The following PDE4D variants were observed in gnomAD, a reference collection of about 807,000 sequenced individuals.
PDE4D encodes 3',5'-cyclic-AMP phosphodiesterase 4D.
In PDE4D, 24 loss-of-function variants were observed where a neutral mutation model predicts 87.4. That is an observed-to-expected ratio of 0.27 (90% confidence interval 0.20 to 0.39). PDE4D has a LOEUF of 0.39. Among genes scored for constraint, PDE4D ranks in the 10% least tolerant of loss-of-function variants. The pLI, the probability that PDE4D is intolerant of heterozygous loss-of-function variation, is 1.00. For synonymous variants in PDE4D, 384 were observed against 383.2 expected, an observed-to-expected ratio of 1.00 and a Z score of -0.02; for missense variants, 714 against 1,041.0, an observed-to-expected ratio of 0.69 and a Z score of 4.32.
chr5:59,184,613 G>A (rs554115572), intron 4 of PDE4D, among the ~76,000 whole-genome samples: 1 of 151,812 alleles, frequency 6.6e-6, no homozygotes, highest in South Asian at 2.1e-4. Context: ...ATTTAATATT[G>A]AAAAATTACT....
upstream of PDE4D, chr5:59,893,751 C>G: frequency 7.4e-7 from 1 of 1,359,186 alleles, no homozygotes; most frequent in Non-Finnish European, 9.4e-7. Context: ...TGGTGCTTAG[C>G]TTCTCACTTG....
chr5:59,976,055 T>C (rs1328946906), intron 3 of PDE4D, among the ~76,000 whole-genome samples: 3 of 152,186 alleles, frequency 2.0e-5, no homozygotes, highest in Non-Finnish European at 4.4e-5. Flanking sequence ...TTTTGTCTTG[T>C]TGAGCCTTGG....
chr5:59,661,098 T>TATATA, intron 1 of PDE4D, among the ~76,000 whole-genome samples: 1 of 101,126 alleles, frequency 9.9e-6, no homozygotes, highest in Non-Finnish European at 2.0e-5. Context: ...ATATATATAT[T>TATATA]TTGTCATCTA....
chr5:59,103,117 CTG>C (rs1771038305), intron 5 of PDE4D, among the ~76,000 whole-genome samples: 1 of 152,168 alleles, frequency 6.6e-6, no homozygotes, highest in African/African-American at 2.4e-5. Flanking sequence ...ATATTTCTCA[CTG>C]TGAATTCCCT....
intron 2 of PDE4D, among the ~76,000 whole-genome samples, chr5:60,118,561 T>TGTGTGTG (rs150441384): frequency 6.9e-6 from 1 of 144,210 alleles, no homozygotes; most frequent in Admixed American, 7.0e-5. Flanking sequence ...TGGATGTAGG[T>TGTGTGTG]TGTGTGTGTG....
chr5:59,868,426 G>A (rs1747358064), intron 1 of PDE4D, among the ~76,000 whole-genome samples: 2 of 152,044 alleles, frequency 1.3e-5, no homozygotes, highest in Admixed American at 1.3e-4. Flanking sequence ...AGCTTCTGGA[G>A]AACTCTGCTG....
At chr5:60,442,431 G>A (rs1169343901) in intron 1 of PDE4D, among the ~76,000 whole-genome samples, 2 of 151,980 alleles carry the variant, frequency 1.3e-5, no homozygotes, top group Non-Finnish European at 2.9e-5. Flanking sequence ...CACACACCAG[G>A]GCCTGTCAGG....
At position 59,438,267 on chromosome 5, in the gene PDE4D, C is replaced by T. The variant is rs549364424; in HGVS notation, c.456-222299G>A. 1.1e-4 allele frequency among the ~76,000 whole-genome samples: 16 copies of T among 152,296 alleles called. 1 individual carries two copies. Among genetic ancestry groups the T allele is most frequent in the Admixed American group, 1.0e-3 (16 of 15,290 alleles). On this transcript the variant is annotated intron_variant, in intron 1 of 14. Transcript: ENST00000340635. ...GAAACCTTGTGGCTGGCTAACATCACATCAAGCTTAATTCAGCTTGCACCA... is the reference window on the plus strand; with the variant it reads ...GAAACCTTGTGGCTGGCTAACATCATATCAAGCTTAATTCAGCTTGCACCA...
intron 2 of PDE4D, among the ~76,000 whole-genome samples, chr5:60,166,551 T>G (rs1455325724): frequency 6.6e-6 from 1 of 152,252 alleles, no homozygotes; most frequent in Non-Finnish European, 1.5e-5. Context: ...TTAACCTTTC[T>G]TCTAAAGATA....
chr5:60,283,474 A>G (rs1752132914), intron 1 of PDE4D, among the ~76,000 whole-genome samples: 1 of 152,140 alleles, frequency 6.6e-6, no homozygotes, highest in Admixed American at 6.6e-5. Flanking sequence ...CACTTATGAA[A>G]TTTTGTGAGA....
At chr5:60,390,587 C>T (rs1489188774) in intron 1 of PDE4D, among the ~76,000 whole-genome samples, 5 of 151,784 alleles carry the variant, frequency 3.3e-5, no homozygotes, top group African/African-American at 1.2e-4. Context: ...CTGCCTCCAG[C>T]TCCCTTAGGC....
At chr5:59,231,673 G>A (rs114916386) in intron 1 of PDE4D, among the ~76,000 whole-genome samples, 13 of 152,280 alleles carry the variant, frequency 8.5e-5, no homozygotes, top group Non-Finnish European at 1.6e-4. Flanking sequence ...AAAGTAAACT[G>A]GAAAGTACGT....
intron 1 of PDE4D, among the ~76,000 whole-genome samples, chr5:60,350,348 C>G (rs1394625305): frequency 6.6e-6 from 1 of 152,156 alleles, no homozygotes; most frequent in African/African-American, 2.4e-5. Context: ...ATCTTTTCTT[C>G]TAGGACCTCA....
intron 2 of PDE4D, among the ~76,000 whole-genome samples, chr5:60,022,038 A>G (rs1766119713): frequency 1.3e-5 from 2 of 152,156 alleles, no homozygotes; most frequent in Admixed American, 6.5e-5. Flanking sequence ...TTGTGTAATT[A>G]GTAGAAACAA....
intron 2 of PDE4D, among the ~76,000 whole-genome samples, chr5:60,049,382 C>T (rs951243707): frequency 2.0e-5 from 3 of 152,232 alleles, no homozygotes; most frequent in Non-Finnish European, 4.4e-5. Context: ...AGTCATTCTC[C>T]ATCCAGCTCT....
At chr5:59,694,749 C>T (rs146380340) in intron 1 of PDE4D, among the ~76,000 whole-genome samples, 3 of 152,180 alleles carry the variant, frequency 2.0e-5, no homozygotes, top group Non-Finnish European at 2.9e-5. Context: ...CATGGATCTA[C>T]GGTGATGTTT....
At chr5:59,109,926 G>A (rs1332522979) in intron 5 of PDE4D, among the ~76,000 whole-genome samples, 1 of 152,100 alleles carries the variant, frequency 6.6e-6, no homozygotes, top group African/African-American at 2.4e-5. Context: ...AAAGACAAAG[G>A]AGACTTGCCT....
At chr5:59,581,626 TA>T (rs1339169264) in intron 1 of PDE4D, among the ~76,000 whole-genome samples, 3 of 152,228 alleles carry the variant, frequency 2.0e-5, no homozygotes, top group South Asian at 2.1e-4. Context: ...CTGCTAGGAC[TA>T]AAGACTATTT....
chr5:59,976,996 T>A (rs1761405616), intron 3 of PDE4D, among the ~76,000 whole-genome samples: 1 of 152,212 alleles, frequency 6.6e-6, no homozygotes. Flanking sequence ...CCAATTTCTC[T>A]CTTTTCCTCA....
Sources: gnomAD v4.1 joint callset for allele counts (sites outside exome capture counted in the v4.1 genomes callset) on GRCh38, gnomAD v4.1.1 for gene constraint, MANE v1.5 for transcripts, NCBI Gene and HGNC (gene_info 2026-07-23, HGNC 2026-07-21) for gene names.